Variants in SPIDR observed in about 807,000 individuals in gnomAD.
SPIDR encodes the protein DNA repair-scaffolding protein.
A neutral mutation model predicts 104.6 loss-of-function variants in SPIDR; 93 were observed. The observed-to-expected ratio is 0.89, with a 90% CI of 0.75 to 1.06. The LOEUF is 1.06. Among genes scored for constraint, SPIDR ranks in the 50% least tolerant of loss-of-function variants. The pLI, the probability that SPIDR is intolerant of heterozygous loss-of-function variation, is 0.00. For synonymous variants in SPIDR, 431 were observed against 416.9 expected, an observed-to-expected ratio of 1.03 and a Z score of -0.41; for missense variants, 1,154 against 1,111.2, an observed-to-expected ratio of 1.04 and a Z score of -0.55.
At chr8:47,713,400 A>T (rs1483064953) in intron 15 of SPIDR, 89 bp from the exon 16 acceptor site, 1 of 1,562,412 alleles carries the variant, frequency 6.4e-7, no homozygotes, top group Non-Finnish European at 8.7e-7. Flanking sequence ...CACCTGCATG[A>T]CTCGAGGGGT....
At chr8:47,297,787 T>C (rs1158240833) in intron 5 of SPIDR, among the ~76,000 whole-genome samples, 2 of 152,208 alleles carry the variant, frequency 1.3e-5, no homozygotes, top group African/African-American at 4.8e-5. Context: ...GGACATGAAC[T>C]CATCATTTTT....
At chr8:47,324,617 A>G (rs1289982684) in intron 5 of SPIDR, among the ~76,000 whole-genome samples, 1 of 152,178 alleles carries the variant, frequency 6.6e-6, no homozygotes, top group African/African-American at 2.4e-5. Context: ...TTCCAGTAGT[A>G]TGGATGCTTT....
At chr8:47,513,526 GT>G (rs1402480985) in intron 8 of SPIDR, among the ~76,000 whole-genome samples, 1 of 152,182 alleles carries the variant, frequency 6.6e-6, no homozygotes, top group African/African-American at 2.4e-5. Flanking sequence ...CAGTTCTCCA[GT>G]TTAGGTGAAA....
chr8:47,490,053 G>C (rs1338165996), intron 8 of SPIDR, among the ~76,000 whole-genome samples: 3 of 152,172 alleles, frequency 2.0e-5, no homozygotes, highest in Non-Finnish European at 4.4e-5. Flanking sequence ...ACTACCATCA[G>C]AGTGAACAGG....
At position 47,558,800 on chromosome 8, in the gene SPIDR, C is replaced by T. The variant is rs562682256; in HGVS notation, c.1098-37011C>T. 2.5e-3 allele frequency among the ~76,000 whole-genome samples: 378 copies of T among 152,164 alleles called. 2 individuals carry two copies. Among genetic ancestry groups the T allele is most frequent in the Non-Finnish European group, 4.5e-3 (306 of 67,992 alleles). ...GACTACAGGCGCCCACCACCACGCC[C>T]AGCTAATTTTTTTGTATTTTTAGTA... On this transcript the variant is annotated intron_variant, in intron 8 of 19. Coordinates refer to ENST00000297423, the MANE Select transcript of SPIDR (RefSeq NM_001080394.4).
At chr8:47,616,933 T>C (rs1157786350) in intron 10 of SPIDR, among the ~76,000 whole-genome samples, 2 of 152,264 alleles carry the variant, frequency 1.3e-5, no homozygotes, top group Admixed American at 6.5e-5. Context: ...TCATGTCTCC[T>C]TAGGCTCCTG....
chr8:47,536,435 G>T (rs2086931341), intron 8 of SPIDR, among the ~76,000 whole-genome samples: 2 of 152,024 alleles, frequency 1.3e-5, no homozygotes, highest in Admixed American at 1.3e-4. Flanking sequence ...TAGCCAAATA[G>T]GTCAATGGAA....
intron 5 of SPIDR, among the ~76,000 whole-genome samples, chr8:47,369,564 A>G (rs1482710739): frequency 6.6e-6 from 1 of 152,202 alleles, no homozygotes; most frequent in African/African-American, 2.4e-5. Context: ...ATCTAAAGCC[A>G]TAAGTGCATT....
chr8:47,303,096 G>T (rs2042474246), intron 5 of SPIDR, among the ~76,000 whole-genome samples: 1 of 152,214 alleles, frequency 6.6e-6, no homozygotes, highest in African/African-American at 2.4e-5. Flanking sequence ...GCTCCACCCA[G>T]TTCCAGCTTC....
chr8:47,673,848 A>T lies in SPIDR; in HGVS notation c.1592A>T (p.His531Leu), dbSNP rs746266204. 21 of 1,614,162 alleles carry T rather than the reference A, an allele frequency of 1.3e-5. No individual in the cohort carries two copies. In the African/African-American group the frequency reaches 2.8e-4, roughly 22 times the overall value. Residue 531 changes from histidine (H) to leucine (L), a missense_variant, in exon 11 of 20, where the codon CAC becomes CTC. His to Leu is a moderately conservative substitution (Grantham distance 99). Coordinates refer to ENST00000297423, the MANE Select transcript of SPIDR (RefSeq NM_001080394.4). Reference sequence around the variant, plus strand: ...GCCTGTGGAATGTTCGGTGAAGTGCACTTGGAGTTCACCATGTCGAAGGCA... The same window carrying T: ...GCCTGTGGAATGTTCGGTGAAGTGCTCTTGGAGTTCACCATGTCGAAGGCA... The part of the protein sequence containing the change: ...QDACGMFGEV[H>L]LEFTMSKARQ...
chr8:47,480,537 T>C (rs1319965390), intron 8 of SPIDR, among the ~76,000 whole-genome samples: 5 of 152,114 alleles, frequency 3.3e-5, no homozygotes, highest in Non-Finnish European at 7.4e-5. Context: ...TAATAGATAG[T>C]GTTAGTGGGT....
intron 11 of SPIDR, among the ~76,000 whole-genome samples, chr8:47,688,912 C>T (rs1340666813): frequency 6.6e-6 from 1 of 152,156 alleles, no homozygotes; most frequent in Non-Finnish European, 1.5e-5. Flanking sequence ...TAGTGGAATT[C>T]ACTGTGGTTT....
intron 8 of SPIDR, among the ~76,000 whole-genome samples, chr8:47,534,470 C>G (rs2086576237): frequency 6.6e-6 from 1 of 152,162 alleles, no homozygotes; most frequent in South Asian, 2.1e-4. Context: ...AAGATCATGT[C>G]TTTTGCAGGA....
chr8:47,712,009 T>G (rs1359790621), intron 14 of SPIDR, among the ~76,000 whole-genome samples: 1 of 152,140 alleles, frequency 6.6e-6, no homozygotes, highest in East Asian at 1.9e-4. Context: ...ACTGGCCACA[T>G]CCTCAGGCCC....
intron 5 of SPIDR, among the ~76,000 whole-genome samples, chr8:47,371,051 A>G (rs868976676): frequency 4.6e-5 from 7 of 151,652 alleles, no homozygotes; most frequent in African/African-American, 1.5e-4. Flanking sequence ...ATCCAAAGGC[A>G]GACTGTCTAG....
At position 47,588,026 on chromosome 8, in the gene SPIDR, CATATATATATATAT is replaced by C. The variant is rs71548440; in HGVS notation, c.1098-7737_1098-7724del. On this transcript the variant is annotated intron_variant, in intron 8 of 19. Transcript: ENST00000297423. ...CTTTCCTTGCAACTTTTAAAATTAG[CATATATATATATAT>C]ATATATATATATATATATATATATA... 6.7e-3 allele frequency among the ~76,000 whole-genome samples: 156 copies of C among 23,354 alleles called. 2 individuals are homozygous for C. Among genetic ancestry groups the C allele is most frequent in the Non-Finnish European group, 0.012 (73 of 6,334 alleles). 15.3% of individuals were successfully genotyped at this position (23,354 alleles called of 152,430 possible).
chr8:47,481,572 C>A (rs2076906568), intron 8 of SPIDR, among the ~76,000 whole-genome samples: 1 of 152,188 alleles, frequency 6.6e-6, no homozygotes, highest in Non-Finnish European at 1.5e-5. Context: ...ACCTGGGAGG[C>A]TCCATCAGGG....
At chr8:47,537,875 T>C (rs975489363) in intron 8 of SPIDR, among the ~76,000 whole-genome samples, 10 of 152,174 alleles carry the variant, frequency 6.6e-5, no homozygotes, top group African/African-American at 2.4e-4. Flanking sequence ...ATATTAATTT[T>C]TTAAAGAATG....
At chr8:47,418,106 G>A (rs1160018989) in intron 7 of SPIDR, among the ~76,000 whole-genome samples, 2 of 152,136 alleles carry the variant, frequency 1.3e-5, no homozygotes, top group Non-Finnish European at 2.9e-5. Context: ...TGGCAATGCG[G>A]GCTCTTTTTG....
Sources: allele counts gnomAD v4.1 joint callset (sites outside exome capture counted in the v4.1 genomes callset), GRCh38; gene constraint gnomAD v4.1.1; transcripts MANE v1.5; gene names NCBI Gene and HGNC (gene_info 2026-07-23, HGNC 2026-07-21).